Variants in RSRP1 observed in about 807,000 individuals in gnomAD.
RSRP1 encodes the protein arginine/serine-rich protein 1.
RSRP1 carries 37 observed loss-of-function variants against 33.0 expected under a neutral mutation model. The observed-to-expected ratio is 1.12, with a 90% CI of 0.86 to 1.48. The LOEUF (loss-of-function observed/expected upper bound fraction) is 1.48, where lower values mean the gene tolerates loss of function less well. Among genes scored for constraint, RSRP1 ranks in the 40% most tolerant of loss-of-function variants. RSRP1 has a pLI of 0.00. For synonymous variants in RSRP1, 167 were observed against 158.7 expected (o/e 1.05, Z -0.40); for missense variants, 402 against 385.3 (o/e 1.04, Z -0.36).
At chr1:25,334,434 G>A (rs1184791767) in intron 1 of RSRP1, among the ~76,000 whole-genome samples, 1 of 131,806 alleles carries the variant, frequency 7.6e-6, no homozygotes, top group Non-Finnish European at 1.8e-5. Context: ...TTCATGGGCT[G>A]GCATTGAGTG....
At chr1:25,258,025 ACACTGAG>A (rs1489035878) in intron 1 of RSRP1, among the ~76,000 whole-genome samples, 3 of 152,328 alleles carry the variant, frequency 2.0e-5, no homozygotes, top group Non-Finnish European at 4.4e-5. Context: ...CTGACTGAAT[ACACTGAG>A]ATGGCAAGTA....
chr1:25,330,255 A>G (rs1374427214), intron 1 of RSRP1: 1 of 133,232 alleles, frequency 7.5e-6, no homozygotes, highest in Non-Finnish European at 1.8e-5. Flanking sequence ...TTCTTAACAG[A>G]CAATTGGTCA....
intron 1 of RSRP1, among the ~76,000 whole-genome samples, chr1:25,290,261 A>G (rs1231797698): frequency 2.4e-5 from 3 of 126,424 alleles, no homozygotes; most frequent in African/African-American, 8.2e-5. Context: ...GAGCATCCGA[A>G]TGATGGCAGC....
intron 1 of RSRP1, among the ~76,000 whole-genome samples, chr1:25,275,006 G>A (rs113349451): frequency 0.028 from 3,702 of 129,986 alleles, 609 homozygotes; most frequent in African/African-American, 0.09. Context: ...AGGAGAGCAG[G>A]GACTGGGTGT....
intron 1 of RSRP1, among the ~76,000 whole-genome samples, chr1:25,274,889 C>A (rs188928435): frequency 7.6e-6 from 1 of 130,884 alleles, no homozygotes; most frequent in East Asian, 2.0e-4. Context: ...CGTCTATAAT[C>A]CGAGCTACTT....
At position 25,303,738 on chromosome 1, in the gene RSRP1, G is replaced by A. The variant is rs1267838269; in HGVS notation, c.-67+34240C>T. Among the ~76,000 whole-genome samples, 7 of 131,768 alleles carry A rather than the reference G, an allele frequency of 5.3e-5. 3 individuals are homozygous for A. Among genetic ancestry groups the A allele is most frequent in the Non-Finnish European group, 9.0e-5 (5 of 55,670 alleles). The allele number at this position is 131,768 out of a possible 152,430, so 86.4% of individuals were successfully genotyped here. A position where few individuals can be genotyped will look rare whatever the true frequency, so the allele number is the denominator to read the frequency against. On this transcript the variant is annotated intron_variant, in intron 1 of 1. Transcript: ENST00000561867. ...ACAGAACTCAAGGACAGGGACTGGA[G>A]TGTTGTGGGGAGCCCCGAAGCCCCT...
In RSRP1 at chr1:25,245,303, TA is replaced by T. The variant is rs543739883; in HGVS notation, c.521-3del. The T allele has an allele frequency of 5.4e-3, 7,184 of 1,326,428 alleles. 30 individuals are homozygous for T. The highest frequency in any genetic ancestry group is 0.03 in the African/African-American group (2,001 of 66,472). 82.2% of individuals were successfully genotyped at this position (1,326,428 alleles called of 1,614,324 possible). ...CTATTTCTAACAGCTCCATTCGATC[TA>T]AAAAAAAAAGAGAGAGATTTTAAAA... On this transcript the variant is annotated splice_polypyrimidine_tract_variant and splice_region_variant and intron_variant, in intron 2 of 4. Transcript: ENST00000243189.
chr1:25,251,199 G>C (rs1351363109), upstream of RSRP1, among the ~76,000 whole-genome samples: 1 of 151,886 alleles, frequency 6.6e-6, no homozygotes, highest in Admixed American at 6.6e-5. Flanking sequence ...TTCCCCTAGA[G>C]CCTCCAAAAA....
Position 25,247,342 on chromosome 1 carries a change from G to A in RSRP1, c.-100C>T, listed in dbSNP as rs1018831586. On this transcript the variant is annotated 5_prime_UTR_variant, in exon 1 of 5. Coordinates refer to ENST00000243189, the MANE Select transcript of RSRP1 (RefSeq NM_020317.5). ...GTCGACGCCTCCCTCACGACTGAGA[G>A]AAAGGCTCAACAGACGCCTTCCTTT... is the stretch of plus-strand genomic sequence containing the variant. 4.4e-6 allele frequency: 1 copy of A among 226,924 alleles called. No individual in the cohort carries two copies. The highest frequency in any genetic ancestry group is 5.4e-5 in the Admixed American group (1 of 18,600). 14.1% of individuals were successfully genotyped at this position (226,924 alleles called of 1,614,324 possible). A position where few individuals can be genotyped will look rare whatever the true frequency, so the allele number is the denominator to read the frequency against.
intron 1 of RSRP1, among the ~76,000 whole-genome samples, chr1:25,314,507 T>C (rs1644331225): frequency 7.5e-6 from 1 of 132,652 alleles, no homozygotes; most frequent in Non-Finnish European, 1.8e-5. Flanking sequence ...TCTTTCTTTC[T>C]TTTTGAAACA....
intron 1 of RSRP1, chr1:25,267,705 C>A (rs1316777159): frequency 7.5e-6 from 1 of 132,480 alleles, no homozygotes; most frequent in African/African-American, 2.6e-5. Context: ...GAGAGGGCTG[C>A]GCGGCCGACC....
At chr1:25,270,500 A>G (rs1431637689) in intron 1 of RSRP1, among the ~76,000 whole-genome samples, 13 of 131,518 alleles carry the variant, frequency 9.9e-5, no homozygotes, top group African/African-American at 3.4e-4. Flanking sequence ...CCTTAGGAGA[A>G]TCTAACTAAT....
intron 1 of RSRP1, chr1:25,328,990 C>T: frequency 7.3e-7 from 1 of 1,373,004 alleles, no homozygotes; most frequent in Non-Finnish European, 1.0e-6. Context: ...CTGTTGCCTG[C>T]ATTTGTACGT....
chr1:25,338,250 G>C (rs1645119185), upstream of RSRP1: 1 of 152,276 alleles, frequency 6.6e-6, no homozygotes, highest in African/African-American at 2.4e-5. Flanking sequence ...CAGACGCGTT[G>C]TTGTGGTGGG....
intron 1 of RSRP1, among the ~76,000 whole-genome samples, chr1:25,305,409 TTTA>T (rs398052859): frequency 9.5e-6 from 1 of 104,884 alleles, no homozygotes; most frequent in Non-Finnish European, 2.1e-5. Context: ...TATTTATTTA[TTTA>T]TTGAGACAGA....
chr1:25,323,326 CCAT>C (rs1205484211), intron 1 of RSRP1, among the ~76,000 whole-genome samples: 1 of 101,232 alleles, frequency 9.9e-6, no homozygotes, highest in East Asian at 2.3e-4. Context: ...ACCATCACCA[CCAT>C]CAAGACAAGG....
chr1:25,287,153 A>G (rs1242514178), intron 1 of RSRP1, among the ~76,000 whole-genome samples: 2 of 134,898 alleles, frequency 1.5e-5, no homozygotes, highest in Admixed American at 1.4e-4. Context: ...CAATACACAC[A>G]CGCACACATG....
In RSRP1 at chr1:25,287,087, T is replaced by C. The variant is rs542496213; in HGVS notation, c.-66-40058A>G. Among the ~76,000 whole-genome samples, 10 of 135,196 alleles carry C rather than the reference T, an allele frequency of 7.4e-5. 2 individuals are homozygous for C. The highest frequency in any genetic ancestry group is 2.5e-4 in the African/African-American group (10 of 39,248). The allele number at this position is 135,196 out of a possible 152,430, so 88.7% of individuals were successfully genotyped here. A position where few individuals can be genotyped will look rare whatever the true frequency, so the allele number is the denominator to read the frequency against. Reference sequence around the variant, plus strand: ...TAGCCTGGGCGACAGAGTGAGGCTCTGTCTCAAAAACAAAACAAAACAAAA... The same window carrying C: ...TAGCCTGGGCGACAGAGTGAGGCTCCGTCTCAAAAACAAAACAAAACAAAA... On this transcript the variant is annotated intron_variant, in intron 1 of 1. Coordinates refer to the RSRP1 transcript ENST00000561867.
intron 1 of RSRP1, among the ~76,000 whole-genome samples, chr1:25,321,379 G>T (rs1306808001): frequency 1.6e-5 from 2 of 123,724 alleles, no homozygotes; most frequent in African/African-American, 5.4e-5. Flanking sequence ...CTACAGAATC[G>T]GCCAGGTGTG....
Sources: gnomAD v4.1 joint callset for allele counts (sites outside exome capture counted in the v4.1 genomes callset) on GRCh38, gnomAD v4.1.1 for gene constraint, MANE v1.5 for transcripts, NCBI Gene and HGNC (gene_info 2026-07-23, HGNC 2026-07-21) for gene names.